The following BABAM2 variants were observed in gnomAD, a reference collection of about 807,000 sequenced individuals.
The protein encoded by BABAM2 is BRISC and BRCA1 A complex member 2.
In BABAM2, 31 loss-of-function variants were observed where a neutral mutation model predicts 54.7. The ratio of observed to expected loss-of-function variants is 0.57; its 90% CI spans 0.43 to 0.77. BABAM2 has a LOEUF of 0.77. Among genes scored for constraint, BABAM2 ranks in the 30% least tolerant of loss-of-function variants. The pLI, the probability that BABAM2 is intolerant of heterozygous loss-of-function variation, is 0.00. For missense variants in BABAM2, 364 were observed against 455.8 expected (o/e 0.80, Z 1.83); for synonymous variants, 167 against 162.9 (o/e 1.03, Z -0.19).
At chr2:28,106,391 C>T (rs928290282) in intron 6 of BABAM2, among the ~76,000 whole-genome samples, 1 of 152,176 alleles carries the variant, frequency 6.6e-6, no homozygotes, top group Non-Finnish European at 1.5e-5. Context: ...CTGGCATGAC[C>T]TACCATGCCT....
chr2:28,063,244 A>G (rs1383189307), intron 6 of BABAM2, among the ~76,000 whole-genome samples: 1 of 152,234 alleles, frequency 6.6e-6, no homozygotes, highest in Non-Finnish European at 1.5e-5. Context: ...TGTGTTTCTC[A>G]TCACGTGGGA....
intron 6 of BABAM2, among the ~76,000 whole-genome samples, chr2:28,099,527 C>G (rs1458024869): frequency 1.3e-5 from 2 of 152,160 alleles, no homozygotes; most frequent in East Asian, 3.9e-4. Context: ...TTATGCAGTA[C>G]AAGAACAAAA....
intron 7 of BABAM2, among the ~76,000 whole-genome samples, chr2:28,199,677 A>G (rs1156931355): frequency 6.6e-6 from 1 of 152,196 alleles, no homozygotes; most frequent in African/African-American, 2.4e-5. Flanking sequence ...CAGTAAGGCA[A>G]GTGAGGAACA....
chr2:28,229,265 C>T (rs1349809778), intron 7 of BABAM2, among the ~76,000 whole-genome samples: 1 of 152,148 alleles, frequency 6.6e-6, no homozygotes, highest in Non-Finnish European at 1.5e-5. Context: ...TTCGATGCCT[C>T]TTTGTCATTT....
At chr2:27,981,301 T>G (rs944791481) in intron 3 of BABAM2, among the ~76,000 whole-genome samples, 2 of 152,156 alleles carry the variant, frequency 1.3e-5, no homozygotes, top group Non-Finnish European at 2.9e-5. Context: ...AGATCAGGTT[T>G]TTTTAAAGTG....
chr2:28,246,821 C>T (rs1682957803), intron 10 of BABAM2, among the ~76,000 whole-genome samples: 1 of 152,228 alleles, frequency 6.6e-6, no homozygotes, highest in Non-Finnish European at 1.5e-5. Flanking sequence ...GAAATTGTCA[C>T]TTGCAATGAT....
intron 6 of BABAM2, among the ~76,000 whole-genome samples, chr2:28,056,804 G>A (rs1220860336): frequency 6.6e-6 from 1 of 152,110 alleles, no homozygotes; most frequent in Non-Finnish European, 1.5e-5. Flanking sequence ...AAGCTTTGGA[G>A]GCATACTGTA....
chr2:28,003,268 G>T (rs1673708069), intron 4 of BABAM2, among the ~76,000 whole-genome samples: 1 of 152,152 alleles, frequency 6.6e-6, no homozygotes. Flanking sequence ...TTGCTGTGTG[G>T]TGCTGTGATT....
At chr2:27,901,062 A>T (rs1665763304) in intron 2 of BABAM2, among the ~76,000 whole-genome samples, 1 of 136,790 alleles carries the variant, frequency 7.3e-6, no homozygotes, top group South Asian at 2.3e-4. Context: ...AAAAAAAAAA[A>T]GGAAATTATA....
chr2:27,903,096 C>A (rs891131328), intron 2 of BABAM2, among the ~76,000 whole-genome samples: 2 of 150,350 alleles, frequency 1.3e-5, no homozygotes, highest in African/African-American at 4.9e-5. Flanking sequence ...CTCCCCCACC[C>A]CCCCCACCGT....
intron 10 of BABAM2, among the ~76,000 whole-genome samples, chr2:28,268,197 G>A (rs111418533): frequency 9.9e-5 from 15 of 152,198 alleles, no homozygotes; most frequent in Non-Finnish European, 1.9e-4. Flanking sequence ...TGTCCTGGCC[G>A]CAGTGGCACA....
chr2:28,047,456 A>G (rs1045130682), intron 6 of BABAM2, among the ~76,000 whole-genome samples: 6 of 152,156 alleles, frequency 3.9e-5, no homozygotes, highest in African/African-American at 7.2e-5. Context: ...CTTTGTTTTA[A>G]TTTACTGTGC....
At chr2:27,888,732 G>A (rs961813153), upstream of BABAM2, among the ~76,000 whole-genome samples, 4 of 152,126 alleles carry the variant, frequency 2.6e-5, no homozygotes, top group African/African-American at 9.7e-5. Flanking sequence ...ATGGCCTGCA[G>A]GATGTTCTTG....
At chr2:28,232,003 G>A (rs957809947) in intron 7 of BABAM2, among the ~76,000 whole-genome samples, 5 of 151,428 alleles carry the variant, frequency 3.3e-5, no homozygotes, top group African/African-American at 1.2e-4. Context: ...ATGGGATCTC[G>A]CTATGTTGCC....
intron 6 of BABAM2, among the ~76,000 whole-genome samples, chr2:28,070,663 C>T (rs1664050163): frequency 6.6e-6 from 1 of 152,006 alleles, no homozygotes; most frequent in South Asian, 2.1e-4. Flanking sequence ...CATTCTCCTG[C>T]CTCAGCCTCC....
intron 7 of BABAM2, among the ~76,000 whole-genome samples, chr2:28,218,000 C>G (rs1178711857): frequency 1.3e-5 from 2 of 152,128 alleles, no homozygotes; most frequent in Non-Finnish European, 2.9e-5. Context: ...GATATTTAAA[C>G]TTAAAAGAGA....
intron 7 of BABAM2, among the ~76,000 whole-genome samples, chr2:28,212,542 T>A (rs1464329686): frequency 2.0e-5 from 3 of 152,218 alleles, no homozygotes; most frequent in African/African-American, 7.2e-5. Context: ...TATCAGATAA[T>A]ATGAGCGTGT....
At chr2:28,070,795 C>A (rs1021589372) in intron 6 of BABAM2, among the ~76,000 whole-genome samples, 8 of 151,994 alleles carry the variant, frequency 5.3e-5, no homozygotes, top group African/African-American at 1.7e-4. Flanking sequence ...ACCTTGAGAA[C>A]AAAACTATTT....
At chr2:28,071,954 T>C (rs986721502) in intron 6 of BABAM2, among the ~76,000 whole-genome samples, 1 of 152,238 alleles carries the variant, frequency 6.6e-6, no homozygotes, top group Non-Finnish European at 1.5e-5. Flanking sequence ...TGTGCCAAGA[T>C]GTTTGAAATT....
Sources: gnomAD v4.1 joint callset for allele counts (sites outside exome capture counted in the v4.1 genomes callset) on GRCh38, gnomAD v4.1.1 for gene constraint, MANE v1.5 for transcripts, NCBI Gene and HGNC (gene_info 2026-07-23, HGNC 2026-07-21) for gene names.